Variants in PLCE1 observed in about 807,000 individuals in gnomAD.
The protein encoded by PLCE1 is phospholipase C epsilon 1.
Under a neutral mutation model 242.8 loss-of-function variants are expected in PLCE1, and 119 were observed. The observed-to-expected ratio is 0.49, with a 90% CI of 0.42 to 0.57. The LOEUF (loss-of-function observed/expected upper bound fraction) is 0.57. PLCE1 is among the 20% of genes least tolerant of loss of function. The pLI is 0.00. For synonymous variants in PLCE1, 945 were observed against 1,017.4 expected (o/e 0.93, Z 1.35); for missense variants, 2,441 against 2,788.8 (o/e 0.88, Z 2.81).
chr10:94,192,352 C>T (rs766442573), intron 4 of PLCE1, among the ~76,000 whole-genome samples: 17 of 152,150 alleles, frequency 1.1e-4, no homozygotes, highest in Admixed American at 3.3e-4. Flanking sequence ...CCTCTCTTCC[C>T]CCTCTAGTAG....
At chr10:94,106,912 TTCTCTC>T (rs771182277) in intron 2 of PLCE1, among the ~76,000 whole-genome samples, 7 of 38,734 alleles carry the variant, frequency 1.8e-4, no homozygotes, top group African/African-American at 3.3e-4. Context: ...TGTCTCTTGT[TTCTCTC>T]TCTCTCTCTC....
chr10:94,212,875 G>A (rs1589358452), intron 4 of PLCE1, among the ~76,000 whole-genome samples: 1 of 152,148 alleles, frequency 6.6e-6, no homozygotes, highest in Non-Finnish European at 1.5e-5. Flanking sequence ...CAGAACATGT[G>A]GGAATAATTC....
chr10:94,293,472 G>A, intron 22 of PLCE1, 36 bp from the exon 23 acceptor site: 1 of 1,609,088 alleles, frequency 6.2e-7, no homozygotes, highest in Non-Finnish European at 8.5e-7. Flanking sequence ...CTTGCTTGTA[G>A]TTTTTGGCTT....
At chr10:94,028,746 C>G (rs2061500148) in intron 1 of PLCE1, among the ~76,000 whole-genome samples, 1 of 152,070 alleles carries the variant, frequency 6.6e-6, no homozygotes, top group South Asian at 2.1e-4. Flanking sequence ...CCCAGAAATT[C>G]AAGACCAGAC....
intron 24 of PLCE1, among the ~76,000 whole-genome samples, chr10:94,299,249 G>A (rs1167878327): frequency 6.6e-6 from 1 of 152,180 alleles, no homozygotes; most frequent in East Asian, 1.9e-4. Flanking sequence ...AAACTCCAGA[G>A]TAGAAGCTGC....
At chr10:94,243,401 G>C (rs1182466734) in intron 7 of PLCE1, among the ~76,000 whole-genome samples, 1 of 152,124 alleles carries the variant, frequency 6.6e-6, no homozygotes, top group African/African-American at 2.4e-5. Flanking sequence ...TAAATGTAAT[G>C]GGAGATCCTG....
intron 29 of PLCE1, among the ~76,000 whole-genome samples, chr10:94,320,172 T>C (rs902674926): frequency 6.6e-6 from 1 of 152,072 alleles, no homozygotes; most frequent in Non-Finnish European, 1.5e-5. Context: ...ATCAGTGCAA[T>C]GACATATTAT....
intron 17 of PLCE1, among the ~76,000 whole-genome samples, chr10:94,269,262 C>T (rs1297458259): frequency 6.6e-6 from 1 of 151,804 alleles, no homozygotes; most frequent in African/African-American, 2.4e-5. Flanking sequence ...CCATCAAGCC[C>T]AGCCAATTTT....
intron 28 of PLCE1, among the ~76,000 whole-genome samples, chr10:94,313,999 G>C (rs758985205): frequency 2.0e-5 from 3 of 152,098 alleles, no homozygotes; most frequent in Non-Finnish European, 4.4e-5. Flanking sequence ...CCTGAGACCT[G>C]TTACCCCAAG....
At chr10:94,005,223 C>T (rs74151953) in intron 1 of PLCE1, among the ~76,000 whole-genome samples, 3,363 of 152,260 alleles carry the variant, frequency 0.022, 118 homozygotes, top group African/African-American at 0.073. Context: ...AGCAAATGCT[C>T]ACCTTGTGAC....
intron 2 of PLCE1, among the ~76,000 whole-genome samples, chr10:94,088,553 T>A (rs1337068552): frequency 1.3e-5 from 2 of 152,232 alleles, no homozygotes; most frequent in African/African-American, 4.8e-5. Flanking sequence ...TTCTTGTTCA[T>A]CATCAGTTAT....
At chr10:94,010,992 A>G (rs1448907845) in intron 1 of PLCE1, among the ~76,000 whole-genome samples, 1 of 151,860 alleles carries the variant, frequency 6.6e-6, no homozygotes, top group Non-Finnish European at 1.5e-5. Context: ...CCACTTCCAC[A>G]TTTTCAGGTA....
rs138002258 is a variant in PLCE1, at chr10:94,271,733, G to C, written c.4506+1131G>C. The stretch of plus-strand genomic sequence containing the variant: ...TATATAAGGGTATGATAATGTATCA[G>C]GGGAACCTGCCCCCAATGTTTCAAC... On this transcript the variant is annotated intron_variant, in intron 18 of 32. Transcript: ENST00000371380. 3.9e-5 allele frequency among the ~76,000 whole-genome samples: 6 copies of C among 152,268 alleles called. No individual in the cohort carries two copies. The East Asian group carries it at 9.6e-4, about 24-fold the overall frequency.
chr10:94,268,639 G>C (rs572732939), intron 16 of PLCE1, among the ~76,000 whole-genome samples: 1 of 152,240 alleles, frequency 6.6e-6, no homozygotes, highest in South Asian at 2.1e-4. Flanking sequence ...CCCTTTCAAG[G>C]GGCCAAAGTT....
rs542154992 is a variant in PLCE1, at chr10:94,328,181, A to G, written c.*238A>G. On this transcript the variant is annotated 3_prime_UTR_variant, in exon 33 of 33. Coordinates refer to ENST00000371380, the MANE Select transcript of PLCE1 (RefSeq NM_016341.4). ...AGGGGACTGCCATTTTATAAATGTC[A>G]GCAGTTGGAAAAATCGTCACGAATT... 5.1e-5 allele frequency: 15 copies of G among 292,632 alleles called. No individual in the cohort carries two copies. Among genetic ancestry groups the G allele is most frequent in the South Asian group, 4.6e-4 (13 of 28,408 alleles). 18.1% of individuals were successfully genotyped at this position (292,632 alleles called of 1,614,324 possible). A position where few individuals can be genotyped will look rare whatever the true frequency, so the allele number is the denominator to read the frequency against.
intron 4 of PLCE1, among the ~76,000 whole-genome samples, chr10:94,176,219 C>A (rs1448792622): frequency 6.6e-6 from 1 of 152,056 alleles, no homozygotes; most frequent in Non-Finnish European, 1.5e-5. Context: ...GGGAACATAG[C>A]AAAACCTCAT....
At chr10:94,222,127 T>G (rs1231695068) in intron 4 of PLCE1, among the ~76,000 whole-genome samples, 2 of 152,154 alleles carry the variant, frequency 1.3e-5, no homozygotes, top group African/African-American at 4.8e-5. Context: ...TCTAAGGGTC[T>G]GCTGGGGGAG....
chr10:94,205,107 A>G (rs575834243), intron 4 of PLCE1, among the ~76,000 whole-genome samples: 49 of 152,306 alleles, frequency 3.2e-4, no homozygotes, highest in Non-Finnish European at 5.6e-4. Context: ...CAAGCTTTTG[A>G]CAAGTATGAC....
At chr10:94,017,092 T>G (rs1039030106) in intron 1 of PLCE1, among the ~76,000 whole-genome samples, 4 of 152,186 alleles carry the variant, frequency 2.6e-5, no homozygotes, top group Admixed American at 6.5e-5. Flanking sequence ...TTGACCTTCC[T>G]GGGTAGCCCC....
Sources: gnomAD v4.1 joint callset for allele counts (sites outside exome capture counted in the v4.1 genomes callset) on GRCh38, gnomAD v4.1.1 for gene constraint, MANE v1.5 for transcripts, NCBI Gene and HGNC (gene_info 2026-07-23, HGNC 2026-07-21) for gene names.